Variants in BRINP3 observed in about 807,000 individuals in gnomAD.
The protein encoded by BRINP3 is BMP/retinoic acid-inducible neural-specific protein 3.
BRINP3 carries 19 observed loss-of-function variants against 71.0 expected under a neutral mutation model. That is an observed-to-expected ratio of 0.27 (90% CI 0.19 to 0.39). The LOEUF (loss-of-function observed/expected upper bound fraction) is 0.39. BRINP3 is among the 10% of genes least tolerant of loss of function. BRINP3 has a pLI of 1.00. For synonymous variants in BRINP3, 380 were observed against 337.7 expected (o/e 1.13, Z -1.37); for missense variants, 959 against 940.8 (o/e 1.02, Z -0.25).
chr1:190,129,847 C>T (rs1031942180), intron 7 of BRINP3, among the ~76,000 whole-genome samples: 11 of 151,874 alleles, frequency 7.2e-5, no homozygotes, highest in African/African-American at 9.7e-5. Context: ...ATAAATATAT[C>T]GATAAGACAG....
intron 2 of BRINP3, among the ~76,000 whole-genome samples, chr1:190,369,564 T>TTA (rs1558225180): frequency 5.3e-5 from 8 of 152,088 alleles, no homozygotes; most frequent in Non-Finnish European, 1.2e-4. Flanking sequence ...ATGTACAATC[T>TTA]CTGAGTATAT....
chr1:190,364,763 G>T (rs1669377129), intron 2 of BRINP3, among the ~76,000 whole-genome samples: 1 of 151,980 alleles, frequency 6.6e-6, no homozygotes, highest in Non-Finnish European at 1.5e-5. Context: ...AATAATGCTT[G>T]CAAAACTGTC....
intron 2 of BRINP3, among the ~76,000 whole-genome samples, chr1:190,330,332 A>G (rs1365061720): frequency 6.6e-6 from 1 of 152,056 alleles, no homozygotes; most frequent in African/African-American, 2.4e-5. Context: ...ACATGAACAG[A>G]CACCTCTTAA....
intron 2 of BRINP3, among the ~76,000 whole-genome samples, chr1:190,356,435 T>C (rs1668734777): frequency 6.6e-6 from 1 of 151,968 alleles, no homozygotes. Context: ...ATTAGAAAGG[T>C]AGATGAACAG....
At chr1:190,368,908 T>A (rs1669682173) in intron 2 of BRINP3, among the ~76,000 whole-genome samples, 1 of 152,190 alleles carries the variant, frequency 6.6e-6, no homozygotes, top group Admixed American at 6.5e-5. Flanking sequence ...GGTCTGGCAT[T>A]AATTTTCAGG....
intron 2 of BRINP3, among the ~76,000 whole-genome samples, chr1:190,336,608 G>A (rs1282452459): frequency 6.6e-6 from 1 of 151,926 alleles, no homozygotes; most frequent in Non-Finnish European, 1.5e-5. Context: ...TATTTACACA[G>A]GGAGAATGAA....
At chr1:190,306,846 T>C (rs1274795781) in intron 2 of BRINP3, among the ~76,000 whole-genome samples, 2 of 152,022 alleles carry the variant, frequency 1.3e-5, no homozygotes, top group East Asian at 1.9e-4. Flanking sequence ...ATAAAATTCA[T>C]TGAATAGTTT....
At chr1:190,103,170 A>C (rs894412097) in intron 7 of BRINP3, among the ~76,000 whole-genome samples, 1 of 152,062 alleles carries the variant, frequency 6.6e-6, no homozygotes, top group African/African-American at 2.4e-5. Context: ...AACCTTCAGC[A>C]GAAGCTTTGG....
At chr1:190,259,819 C>G (rs1012811981) in intron 4 of BRINP3, among the ~76,000 whole-genome samples, 1 of 151,506 alleles carries the variant, frequency 6.6e-6, no homozygotes, top group Non-Finnish European at 1.5e-5. Context: ...CACCTGAGGT[C>G]AGGAGTTCAA....
At chr1:190,236,930 G>T (rs1468905581) in intron 4 of BRINP3, among the ~76,000 whole-genome samples, 1 of 151,748 alleles carries the variant, frequency 6.6e-6, no homozygotes, top group African/African-American at 2.4e-5. Flanking sequence ...AGTAAAATTG[G>T]CATTAAGCTC....
At chr1:190,451,214 T>C (rs1263691554) in intron 2 of BRINP3, among the ~76,000 whole-genome samples, 1 of 152,108 alleles carries the variant, frequency 6.6e-6, no homozygotes, top group Non-Finnish European at 1.5e-5. Context: ...TTTTGAGTCA[T>C]CATATCTGAA....
intron 2 of BRINP3, among the ~76,000 whole-genome samples, chr1:190,284,829 T>G (rs563465362): frequency 5.7e-4 from 86 of 152,134 alleles, no homozygotes; most frequent in Admixed American, 1.4e-3. Context: ...AATAACTAAA[T>G]AATTATAGTT....
chr1:190,109,503 A>G (rs941632727), intron 7 of BRINP3, among the ~76,000 whole-genome samples: 24 of 152,202 alleles, frequency 1.6e-4, no homozygotes, highest in Admixed American at 2.6e-4. Flanking sequence ...GTGATGGCTA[A>G]GTTTTGGTGT....
chr1:190,294,324 T>A (rs1324365538), intron 2 of BRINP3, among the ~76,000 whole-genome samples: 1 of 151,270 alleles, frequency 6.6e-6, no homozygotes, highest in Non-Finnish European at 1.5e-5. Context: ...AGTTGCACAA[T>A]CATGGCTCAC....
intron 4 of BRINP3, among the ~76,000 whole-genome samples, chr1:190,235,202 A>C (rs1658399336): frequency 6.6e-6 from 1 of 152,022 alleles, no homozygotes; most frequent in Non-Finnish European, 1.5e-5. Context: ...ATTTCCATCC[A>C]ATTTTGGTCT....
chr1:190,396,441 A>G lies in BRINP3; in HGVS notation c.236+58214T>C, dbSNP rs149202965. Among the ~76,000 whole-genome samples, 299 of 151,372 alleles carry G rather than the reference A, an allele frequency of 2.0e-3. 3 individuals are homozygous for G. The highest frequency in any genetic ancestry group is 6.7e-3 in the African/African-American group (278 of 41,362). Reference sequence around the variant, plus strand: ...TCTTTTCATTAAATCTTGACCAGCCAGAGTAGGTTTGAATATTTCCTTCTT... The same window carrying G: ...TCTTTTCATTAAATCTTGACCAGCCGGAGTAGGTTTGAATATTTCCTTCTT... On this transcript the variant is annotated intron_variant, in intron 2 of 7. Transcript: ENST00000367462.
At chr1:190,470,453 T>C (rs1444789811) in intron 1 of BRINP3, among the ~76,000 whole-genome samples, 1 of 151,138 alleles carries the variant, frequency 6.6e-6, no homozygotes, top group African/African-American at 2.4e-5. Flanking sequence ...TTATTAGCTA[T>C]TAAAAGGAAT....
At chr1:190,376,911 T>C (rs1218726786) in intron 2 of BRINP3, among the ~76,000 whole-genome samples, 1 of 152,066 alleles carries the variant, frequency 6.6e-6, no homozygotes, top group African/African-American at 2.4e-5. Flanking sequence ...TATCCACGCA[T>C]GGTCTAGAGC....
intron 2 of BRINP3, among the ~76,000 whole-genome samples, chr1:190,340,739 C>CA (rs531423125): frequency 0.026 from 3,824 of 144,782 alleles, 76 homozygotes; most frequent in Middle Eastern, 0.07. Context: ...TAGGCCCTGT[C>CA]AAAAAAAAAA....
Sources: gnomAD v4.1 joint callset for allele counts (sites outside exome capture counted in the v4.1 genomes callset) on GRCh38, gnomAD v4.1.1 for gene constraint, MANE v1.5 for transcripts, NCBI Gene and HGNC (gene_info 2026-07-23, HGNC 2026-07-21) for gene names.